CYB561A3: variants seen among roughly 807,000 people sequenced by gnomAD.
CYB561A3 encodes the protein cytochrome b561 family member A3.
CYB561A3 carries 16 observed loss-of-function variants against 25.3 expected under a neutral mutation model. That is an observed-to-expected ratio of 0.63 (90% CI 0.43 to 0.96). CYB561A3 has a LOEUF of 0.96. CYB561A3 is among the 40% of genes least tolerant of loss of function. The pLI is 0.00. For missense variants in CYB561A3, 219 were observed against 307.5 expected (o/e 0.71, Z 2.15); for synonymous variants, 131 against 129.9 (o/e 1.01, Z -0.06).
At position 61,353,029 on chromosome 11, in the gene CYB561A3, G is replaced by A. The variant is rs1382925791; in HGVS notation, c.504C>T (p.Ile168=). The part of the protein sequence containing the change: ...FFGAAILSLS[I]ASVISGINEK... ...CATTAATGCCCGAAATGACGGATGCGATGGACAGAGAGAGGATGGCGGCTC... is the reference window on the plus strand; with the variant it reads ...CATTAATGCCCGAAATGACGGATGCAATGGACAGAGAGAGGATGGCGGCTC... Residue 168 remains isoleucine, a synonymous_variant, in exon 5 of 7, where the codon ATC becomes ATT. Transcript: ENST00000294072. 8.1e-6 allele frequency: 13 copies of A among 1,614,064 alleles called. No homozygotes were observed. The highest frequency in any genetic ancestry group is 5.3e-5 in the African/African-American group (4 of 74,922).
At chr11:61,358,003 TGA>T (rs889381699) in intron 1 of CYB561A3, 175 bp from the exon 2 acceptor site, 1 of 152,190 alleles carries the variant, frequency 6.6e-6, no homozygotes, top group African/African-American at 2.4e-5. Context: ...GAGGACCCAG[TGA>T]GAGTGGGTGG....
chr11:61,354,150 A>G (rs893741955), intron 3 of CYB561A3, 158 bp from the exon 4 acceptor site: 77 of 728,476 alleles, frequency 1.1e-4, no homozygotes, highest in Non-Finnish European at 1.6e-4. Flanking sequence ...CCCTCCCATG[A>G]TTTGTGGGAT....
chr11:61,356,386 G>C, intron 3 of CYB561A3, 144 bp downstream of exon 3: 2 of 944,838 alleles, frequency 2.1e-6, no homozygotes, highest in Non-Finnish European at 2.8e-6. Context: ...TCCCCCAAAT[G>C]ACAGCTAGGC....
In CYB561A3 at chr11:61,349,690, C is replaced by A; in HGVS notation, c.*709G>T. 1 of 701,870 alleles carries A rather than the reference C, an allele frequency of 1.4e-6. No homozygotes were observed. Among genetic ancestry groups the A allele is most frequent in the African/African-American group, 1.7e-5 (1 of 57,358 alleles). 43.5% of individuals were successfully genotyped at this position (701,870 alleles called of 1,614,324 possible). A position where few individuals can be genotyped will look rare whatever the true frequency, so the allele number is the denominator to read the frequency against. The stretch of plus-strand genomic sequence containing the variant: ...GGTCACAATACATGCAGACACAGAG[C>A]AGCAATACGAAACAGAACAGCTCAG... On this transcript the variant is annotated 3_prime_UTR_variant, in exon 7 of 7. Transcript: ENST00000294072.
intron 3 of CYB561A3, 165 bp downstream of exon 3, chr11:61,356,365 T>G: frequency 5.6e-6 from 5 of 891,606 alleles, no homozygotes; most frequent in Non-Finnish European, 6.3e-6. Flanking sequence ...CCCCCCATCT[T>G]AACCCCTTCC....
intron 5 of CYB561A3, 95 bp downstream of exon 5, chr11:61,352,890 C>T (rs1364612700): frequency 6.3e-7 from 1 of 1,591,578 alleles, no homozygotes; most frequent in Non-Finnish European, 8.5e-7. Flanking sequence ...CAAAATCTCT[C>T]CTCCCTTGGG....
intron 1 of CYB561A3, among the ~76,000 whole-genome samples, chr11:61,361,457 G>A (rs1857880792): frequency 6.6e-6 from 1 of 152,174 alleles, no homozygotes; most frequent in African/African-American, 2.4e-5. Context: ...CCAGGCACCC[G>A]AGGGGTGATC....
At chr11:61,362,088 C>A (rs918909816), upstream of CYB561A3, 16 of 152,402 alleles carry the variant, frequency 1.0e-4, no homozygotes, top group African/African-American at 3.9e-4. Context: ...ATCAGCCCCG[C>A]CTCTCATCCC....
upstream of CYB561A3, chr11:61,361,912 T>C (rs757045353): frequency 3.3e-5 from 5 of 152,288 alleles, no homozygotes; most frequent in East Asian, 1.9e-4. Flanking sequence ...CGCCTTCTTA[T>C]AGGCTCGCAG....
intron 1 of CYB561A3, among the ~76,000 whole-genome samples, 167 bp downstream of exon 1, chr11:61,361,566 C>T (rs1857885678): frequency 6.6e-6 from 1 of 152,162 alleles, no homozygotes; most frequent in Admixed American, 6.5e-5. Flanking sequence ...AGCTTTCGTG[C>T]CTTTATAACC....
intron 2 of CYB561A3, chr11:61,357,222 G>C: frequency 2.6e-6 from 4 of 1,551,460 alleles, no homozygotes; most frequent in Non-Finnish European, 3.5e-6. Flanking sequence ...GAAGGAGTCA[G>C]AAAAGTTCTT....
rs2135100318 is a variant in CYB561A3, at chr11:61,351,093, G to A, written c.603C>T (p.Asn201=). 1 of 1,613,960 alleles carries A rather than the reference G, an allele frequency of 6.2e-7. No homozygotes were observed. Among genetic ancestry groups the A allele is most frequent in the Non-Finnish European group, 8.5e-7 (1 of 1,179,974 alleles). The change falls in exon 6 of 7, where the codon AAC becomes AAT. Residue 201 remains asparagine, a synonymous_variant. Transcript: ENST00000294072. ...AGGCCACCACCAGCATCCCGGTGCT[G>A]TTGGCAAAGACCGCCTCACTGGGCA... ...HSLPSEAVFA[N]STGMLVVAFG... is the part of the protein sequence containing the mutation.
intron 1 of CYB561A3, 116 bp downstream of exon 1, chr11:61,361,617 T>C (rs2135141151): frequency 6.6e-6 from 1 of 152,054 alleles, no homozygotes; most frequent in South Asian, 2.1e-4. Flanking sequence ...GTGCCCACTT[T>C]CTAAAAGAGA....
intron 2 of CYB561A3, 172 bp from the exon 3 acceptor site, chr11:61,356,900 G>T: frequency 6.9e-7 from 1 of 1,444,772 alleles, no homozygotes. Flanking sequence ...GCCTGGGTGG[G>T]CCTGATCTTC....
chr11:61,356,794 G>T, intron 2 of CYB561A3, 66 bp from the exon 3 acceptor site: 1 of 1,569,166 alleles, frequency 6.4e-7, no homozygotes, highest in Non-Finnish European at 8.6e-7. Flanking sequence ...GCTAAAGGAG[G>T]TAACACTGAT....
chr11:61,357,329 C>G, intron 2 of CYB561A3: 8 of 1,112,410 alleles, frequency 7.2e-6, no homozygotes, highest in South Asian at 1.5e-5. Flanking sequence ...CAGCTGATGC[C>G]CCTCAGCTGT....
At chr11:61,354,293 G>A in intron 3 of CYB561A3, 1 of 417,742 alleles carries the variant, frequency 2.4e-6, no homozygotes, top group Non-Finnish European at 4.5e-6. Context: ...GGAGTTTGAG[G>A]TTACAGTGAG....
chr11:61,356,985 G>C, intron 2 of CYB561A3: 1 of 1,466,508 alleles, frequency 6.8e-7, no homozygotes, highest in African/African-American at 1.4e-5. Flanking sequence ...GCTATGGCTG[G>C]CCCTGGCGAA....
chr11:61,350,501 C>G, intron 6 of CYB561A3, 79 bp from the exon 7 acceptor site: 1 of 1,563,676 alleles, frequency 6.4e-7, no homozygotes. Context: ...CAGACAGACC[C>G]CCAGCCTGCA....
Sources: allele counts gnomAD v4.1 joint callset (sites outside exome capture counted in the v4.1 genomes callset), GRCh38; gene constraint gnomAD v4.1.1; transcripts MANE v1.5; gene names NCBI Gene and HGNC (gene_info 2026-07-23, HGNC 2026-07-21).